CADM2: variants seen among roughly 807,000 people sequenced by gnomAD.
CADM2 encodes cell adhesion molecule 2.
A neutral mutation model predicts 49.8 loss-of-function variants in CADM2; 12 were observed. That is an observed-to-expected ratio of 0.24 (90% CI 0.15 to 0.39). CADM2 has a LOEUF of 0.39. CADM2 is among the 10% of genes least tolerant of loss of function. CADM2 has a pLI of 1.00. For synonymous variants in CADM2, 214 were observed against 175.4 expected, an observed-to-expected ratio of 1.22 and a Z score of -1.74; for missense variants, 378 against 492.3, an observed-to-expected ratio of 0.77 and a Z score of 2.20.
chr3:85,830,770 T>G (rs1018715419), intron 3 of CADM2, among the ~76,000 whole-genome samples: 5 of 151,590 alleles, frequency 3.3e-5, no homozygotes, highest in African/African-American at 1.2e-4. Context: ...TTTTATTTTG[T>G]TTTTGGTCAG....
intron 3 of CADM2, among the ~76,000 whole-genome samples, chr3:85,849,232 CAGTCTT>C (rs1017131979): frequency 6.6e-6 from 1 of 152,180 alleles, no homozygotes; most frequent in African/African-American, 2.4e-5. Context: ...TGATTACTGT[CAGTCTT>C]AGTAATATTA....
intron 8 of CADM2, among the ~76,000 whole-genome samples, chr3:85,970,990 A>G (rs1726055223): frequency 6.6e-6 from 1 of 151,638 alleles, no homozygotes; most frequent in Non-Finnish European, 1.5e-5. Flanking sequence ...GAAATCTTAA[A>G]ACAGTTTTTA....
At chr3:85,379,750 C>A (rs1003143203) in intron 1 of CADM2, among the ~76,000 whole-genome samples, 1 of 151,908 alleles carries the variant, frequency 6.6e-6, no homozygotes, top group East Asian at 1.9e-4. Flanking sequence ...TTTTCATCAA[C>A]AAAAATACAT....
chr3:85,876,326 G>A (rs1711831462), intron 3 of CADM2, among the ~76,000 whole-genome samples: 1 of 151,966 alleles, frequency 6.6e-6, no homozygotes, highest in Non-Finnish European at 1.5e-5. Context: ...TTAATATGTG[G>A]AATTTTCTCA....
chr3:85,677,378 G>C (rs376505459), intron 1 of CADM2, among the ~76,000 whole-genome samples: 2 of 152,162 alleles, frequency 1.3e-5, no homozygotes, highest in African/African-American at 4.8e-5. Context: ...TGCAATGAAA[G>C]CAGGTGAGTG....
At chr3:85,155,177 G>A (rs2040068249) in intron 1 of CADM2, among the ~76,000 whole-genome samples, 1 of 150,046 alleles carries the variant, frequency 6.7e-6, no homozygotes, top group South Asian at 2.1e-4. Flanking sequence ...CCATCAGTGT[G>A]CTGTATTCAG....
chr3:85,552,543 G>C (rs914067858), intron 1 of CADM2, among the ~76,000 whole-genome samples: 1 of 151,584 alleles, frequency 6.6e-6, no homozygotes, highest in East Asian at 1.9e-4. Flanking sequence ...ACCATGCCTG[G>C]CTAATTTTTT....
rs1559716313 is a variant in CADM2 at position 85,199,369 on chromosome 3, A to AGAGAGAGAGAGAGAG, written c.61+239701_61+239702insGAGAGAGAGAGAGAG. Among the ~76,000 whole-genome samples the AGAGAGAGAGAGAGAG allele has an allele frequency of 1.9e-3, 177 of 92,000 alleles. 1 individual carries two copies. The highest frequency in any genetic ancestry group is 6.0e-3 in the African/African-American group (163 of 27,304). 60.4% of individuals were successfully genotyped at this position (92,000 alleles called of 152,430 possible). ...TGTGTGTGTGTGTGTGTGTGTGTGT[A>AGAGAGAGAGAGAGAG]TGAGAGAGAGAGAGAGAGAGAAGCC... On this transcript the variant is annotated intron_variant, in intron 1 of 9. Transcript: ENST00000383699.
chr3:85,492,485 G>T lies in CADM2; in HGVS notation c.62-234037G>T, dbSNP rs144025175. On this transcript the variant is annotated intron_variant, in intron 1 of 9. Coordinates refer to ENST00000383699, the MANE Select transcript of CADM2 (RefSeq NM_001167675.2). The stretch of plus-strand genomic sequence containing the variant: ...TGCGTGCCTGTAGTTCCAGCTACTC[G>T]GAAGGCTGAGGCAGGAGAATGGCTT... 2.0e-3 allele frequency among the ~76,000 whole-genome samples: 308 copies of T among 152,064 alleles called. 2 individuals are homozygous for T. The highest frequency in any genetic ancestry group is 5.6e-3 in the African/African-American group (234 of 41,478).
rs149571544 is a variant in CADM2 at position 85,516,386 on chromosome 3, T to A, written c.62-210136T>A. On this transcript the variant is annotated intron_variant, in intron 1 of 9. Coordinates refer to ENST00000383699, the MANE Select transcript of CADM2 (RefSeq NM_001167675.2). ...CACAACAGAATTGACTTTCACAAAT[T>A]ATTTATTAAAAATTATCTGTCTCAA... Among the ~76,000 whole-genome samples, 309 of 152,296 alleles carry A rather than the reference T, an allele frequency of 2.0e-3. 3 individuals carry two copies. Among genetic ancestry groups the A allele is most frequent in the African/African-American group, 7.2e-3 (300 of 41,554 alleles).
At chr3:85,823,361 G>T (rs2073710788) in intron 3 of CADM2, among the ~76,000 whole-genome samples, 1 of 152,046 alleles carries the variant, frequency 6.6e-6, no homozygotes, top group Non-Finnish European at 1.5e-5. Context: ...CAGTACCTTG[G>T]TTTATGGTCT....
chr3:86,074,163 T>G lies in CADM2; in HGVS notation c.*7380T>G, dbSNP rs1364547348. On this transcript the variant is annotated 3_prime_UTR_variant, in exon 10 of 10. Coordinates refer to ENST00000383699, the MANE Select transcript of CADM2 (RefSeq NM_001167675.2). ...CACACTCTAACCAGTATTATATATTTCAGCTACCTAAGATAATGCAATTAA... is the reference window on the plus strand; with the variant it reads ...CACACTCTAACCAGTATTATATATTGCAGCTACCTAAGATAATGCAATTAA... 6.6e-6 allele frequency: 1 copy of G among 152,008 alleles called. No homozygotes were observed. Among genetic ancestry groups the G allele is most frequent in the Non-Finnish European group, 1.5e-5 (1 of 67,874 alleles). The allele number at this position is 152,008 out of a possible 1,614,324, so 9.4% of individuals were successfully genotyped here.
chr3:85,928,565 AT>A (rs1720204568), intron 6 of CADM2, among the ~76,000 whole-genome samples: 2 of 152,148 alleles, frequency 1.3e-5, no homozygotes, highest in Non-Finnish European at 2.9e-5. Context: ...TAAAAAAAAA[AT>A]CTAGGAAAAC....
chr3:85,097,608 T>C (rs1246507892), intron 1 of CADM2, among the ~76,000 whole-genome samples: 1 of 152,206 alleles, frequency 6.6e-6, no homozygotes, highest in African/African-American at 2.4e-5. Flanking sequence ...TAGTTTACAG[T>C]CCCACCAACA....
rs1427864632 is a variant in CADM2, at chr3:85,530,055, T to G, written c.62-196467T>G. Among the ~76,000 whole-genome samples the G allele has an allele frequency of 2.0e-5, 3 of 152,172 alleles. No homozygotes were observed. The East Asian group carries it at 5.8e-4, about 30-fold the overall frequency. On this transcript the variant is annotated intron_variant, in intron 1 of 9. Coordinates refer to ENST00000383699, the MANE Select transcript of CADM2 (RefSeq NM_001167675.2). ...AATTGTAATCCCCATAATCGCCATG[T>G]GCCAAGGAAGAGACTTAGTGGGAGG...
At chr3:85,759,715 T>C (rs956162504) in intron 2 of CADM2, among the ~76,000 whole-genome samples, 8 of 152,138 alleles carry the variant, frequency 5.3e-5, no homozygotes, top group Admixed American at 3.9e-4. Flanking sequence ...GTCTTTATTC[T>C]GGAAGTCACC....
chr3:85,346,647 G>A (rs2030677465), intron 1 of CADM2, among the ~76,000 whole-genome samples: 1 of 152,272 alleles, frequency 6.6e-6, no homozygotes, highest in East Asian at 1.9e-4. Context: ...TGGGAAAAGA[G>A]TTAATATTGG....
chr3:85,435,431 G>A (rs1276812006), intron 1 of CADM2, among the ~76,000 whole-genome samples: 2 of 152,112 alleles, frequency 1.3e-5, no homozygotes, highest in African/African-American at 2.4e-5. Flanking sequence ...TGGGCATTGG[G>A]TTGGTTCCAA....
intron 3 of CADM2, among the ~76,000 whole-genome samples, chr3:85,830,986 C>T (rs538610511): frequency 1.3e-5 from 2 of 151,914 alleles, no homozygotes; most frequent in African/African-American, 4.8e-5. Flanking sequence ...CCCTCGCTCC[C>T]TGCAACCCTC....
Sources: gnomAD v4.1 joint callset for allele counts (sites outside exome capture counted in the v4.1 genomes callset) on GRCh38, gnomAD v4.1.1 for gene constraint, MANE v1.5 for transcripts, NCBI Gene and HGNC (gene_info 2026-07-23, HGNC 2026-07-21) for gene names.